AP3B1: variants seen among roughly 807,000 people sequenced by gnomAD.
The protein encoded by AP3B1 is adaptor related protein complex 3 subunit beta 1, also known as AP-3 complex subunit beta-1.
In AP3B1, 61 loss-of-function variants were observed where a neutral mutation model predicts 132.5. That is an observed-to-expected ratio of 0.46 (90% CI 0.37 to 0.57). The LOEUF (loss-of-function observed/expected upper bound fraction) is 0.57, where lower values mean the gene tolerates loss of function less well. Ranked by LOEUF, AP3B1 falls within the 20% of genes least tolerant of loss-of-function variation. The probability of loss-of-function intolerance (pLI) is 0.00; values close to 1 mark genes in which losing one functional copy is unlikely to be tolerated. For synonymous variants in AP3B1, 388 were observed against 438.3 expected, an observed-to-expected ratio of 0.89 and a Z score of 1.43; for missense variants, 1,120 against 1,289.4, an observed-to-expected ratio of 0.87 and a Z score of 2.01.
chr5:78,285,083 TA>T (rs937464597), intron 1 of AP3B1, among the ~76,000 whole-genome samples: 1 of 151,904 alleles, frequency 6.6e-6, no homozygotes, highest in Non-Finnish European at 1.5e-5. Context: ...CCGTCTCTAC[TA>T]AAAATACAAA....
At chr5:78,082,194 T>C (rs533671068) in intron 22 of AP3B1, among the ~76,000 whole-genome samples, 1 of 152,310 alleles carries the variant, frequency 6.6e-6, no homozygotes, top group African/African-American at 2.4e-5. Flanking sequence ...CAACCCTATG[T>C]TATTACTGAA....
intron 17 of AP3B1, among the ~76,000 whole-genome samples, chr5:78,117,490 A>G (rs1344122767): frequency 1.3e-5 from 2 of 151,810 alleles, no homozygotes; most frequent in Admixed American, 1.3e-4. Context: ...TTGTATTTTT[A>G]GTAGAGACAG....
At chr5:78,263,702 CA>C (rs2112557047) in intron 2 of AP3B1, among the ~76,000 whole-genome samples, 1 of 152,230 alleles carries the variant, frequency 6.6e-6, no homozygotes, top group Admixed American at 6.5e-5. Context: ...CTTTTATCAT[CA>C]AAGTGTATTA....
chr5:78,138,266 G>C (rs1752996987), intron 15 of AP3B1, among the ~76,000 whole-genome samples: 1 of 152,042 alleles, frequency 6.6e-6, no homozygotes, highest in Non-Finnish European at 1.5e-5. Flanking sequence ...ATGAGTTCAA[G>C]ACCAGCCTGG....
At chr5:78,217,256 C>T (rs1235813247) in intron 6 of AP3B1, among the ~76,000 whole-genome samples, 1 of 152,064 alleles carries the variant, frequency 6.6e-6, no homozygotes, top group East Asian at 1.9e-4. Context: ...AGTTGGCTGA[C>T]ATTTAGTTTA....
intron 22 of AP3B1, among the ~76,000 whole-genome samples, chr5:78,079,070 T>C (rs1406645167): frequency 1.3e-5 from 2 of 152,216 alleles, no homozygotes; most frequent in African/African-American, 2.4e-5. Flanking sequence ...TATTCCACCA[T>C]CTGAAAGTCA....
chr5:78,294,119 T>C (rs1749649019), intron 1 of AP3B1, among the ~76,000 whole-genome samples: 1 of 152,156 alleles, frequency 6.6e-6, no homozygotes, highest in Non-Finnish European at 1.5e-5. Context: ...GTAAATAAAC[T>C]AGAAGACGAT....
In AP3B1 at chr5:78,181,980, C is replaced by T. The variant is rs527514193; in HGVS notation, c.787-318G>A. Among the ~76,000 whole-genome samples the T allele has an allele frequency of 3.3e-4, 50 of 152,194 alleles. 1 individual carries two copies. Among genetic ancestry groups the T allele is most frequent in the Middle Eastern group, 6.8e-3 (2 of 294 alleles). ...CATGACCGTTAGATTTTAACAAGGC[C>T]TATAATACTACCTAAAACCTGAAAA... is the stretch of plus-strand genomic sequence containing the variant. On this transcript the variant is annotated intron_variant, in intron 7 of 26. Transcript: ENST00000255194.
At chr5:78,077,542 C>T (rs1749813887) in intron 22 of AP3B1, among the ~76,000 whole-genome samples, 1 of 152,214 alleles carries the variant, frequency 6.6e-6, no homozygotes, top group South Asian at 2.1e-4. Flanking sequence ...TTTCCCATGA[C>T]AGTGCGTCAC....
intron 14 of AP3B1, 119 bp from the exon 15 acceptor site, chr5:78,141,438 T>C: frequency 1.4e-6 from 1 of 733,930 alleles, no homozygotes; most frequent in Non-Finnish European, 2.2e-6. Flanking sequence ...AATGTATATC[T>C]AGGAATTAAT....
intron 22 of AP3B1, among the ~76,000 whole-genome samples, chr5:78,068,163 A>G (rs888357248): frequency 5.3e-5 from 8 of 152,138 alleles, no homozygotes; most frequent in African/African-American, 1.9e-4. Context: ...CATCTCTACT[A>G]AAAATACAAA....
At chr5:78,005,533 G>A (rs1746354508) in intron 26 of AP3B1, among the ~76,000 whole-genome samples, 1 of 152,178 alleles carries the variant, frequency 6.6e-6, no homozygotes, top group Non-Finnish European at 1.5e-5. Context: ...GGGTATGAAA[G>A]AAAAGAGGCA....
intron 24 of AP3B1, among the ~76,000 whole-genome samples, chr5:78,022,138 T>A (rs1168602682): frequency 6.6e-6 from 1 of 152,214 alleles, no homozygotes; most frequent in Non-Finnish European, 1.5e-5. Flanking sequence ...TTTCCATATG[T>A]GGATTGTTGA....
chr5:78,207,811 C>T (rs1745572537), intron 7 of AP3B1, among the ~76,000 whole-genome samples: 1 of 152,068 alleles, frequency 6.6e-6, no homozygotes. Flanking sequence ...GTAATGTCTA[C>T]AGAGTTCTCA....
intron 17 of AP3B1, among the ~76,000 whole-genome samples, chr5:78,123,848 G>C (rs1752341484): frequency 6.6e-6 from 1 of 152,070 alleles, no homozygotes; most frequent in African/African-American, 2.4e-5. Flanking sequence ...CCATTACTGG[G>C]TATATACCCA....
At chr5:78,124,287 A>T (rs559790025) in intron 17 of AP3B1, among the ~76,000 whole-genome samples, 15 of 151,424 alleles carry the variant, frequency 9.9e-5, no homozygotes, top group Admixed American at 9.2e-4. Context: ...AACATGGCAC[A>T]TGTATACATA....
Position 78,207,511 on chromosome 5 carries a change from C to T in AP3B1, c.786+8544G>A, listed in dbSNP as rs185041947. On this transcript the variant is annotated intron_variant, in intron 7 of 26. Transcript: ENST00000255194. ...AGACAAAGATTATAAAACAGAATAA[C>T]GGGTATTCCTCAAGTATATAACTTA... Among the ~76,000 whole-genome samples, 300 of 151,678 alleles carry T rather than the reference C, an allele frequency of 2.0e-3. 1 individual carries two copies. Among genetic ancestry groups the T allele is most frequent in the Non-Finnish European group, 3.5e-3 (237 of 67,918 alleles).
chr5:78,260,218 CTT>C (rs1453944900), intron 2 of AP3B1, among the ~76,000 whole-genome samples: 1 of 152,060 alleles, frequency 6.6e-6, no homozygotes, highest in African/African-American at 2.4e-5. Context: ...CAGGCAAGGA[CTT>C]TGAAAGAATG....
intron 2 of AP3B1, among the ~76,000 whole-genome samples, chr5:78,247,191 T>C (rs1179958863): frequency 6.6e-6 from 1 of 151,122 alleles, no homozygotes; most frequent in African/African-American, 2.4e-5. Flanking sequence ...CACACTTGCA[T>C]AATTTTAATT....
Sources: gnomAD v4.1 joint callset for allele counts (sites outside exome capture counted in the v4.1 genomes callset) on GRCh38, gnomAD v4.1.1 for gene constraint, MANE v1.5 for transcripts, NCBI Gene and HGNC (gene_info 2026-07-23, HGNC 2026-07-21) for gene names.